RNGTT: variants seen among roughly 807,000 people sequenced by gnomAD.
RNGTT encodes mRNA-capping enzyme.
Under a neutral mutation model 79.3 loss-of-function variants are expected in RNGTT, and 33 were observed. The ratio of observed to expected loss-of-function variants is 0.42; its 90% confidence interval spans 0.32 to 0.56. RNGTT has a LOEUF of 0.56. Ranked by LOEUF, RNGTT falls within the 20% of genes least tolerant of loss-of-function variation. The probability of loss-of-function intolerance (pLI) is 0.17; values close to 1 mark genes in which losing one functional copy is unlikely to be tolerated. For synonymous variants in RNGTT, 222 were observed against 235.9 expected, an observed-to-expected ratio of 0.94 and a Z score of 0.54; for missense variants, 497 against 739.1, an observed-to-expected ratio of 0.67 and a Z score of 3.80.
At chr6:88,640,236 G>C (rs1461204798) in intron 14 of RNGTT, among the ~76,000 whole-genome samples, 1 of 152,052 alleles carries the variant, frequency 6.6e-6, no homozygotes, top group Admixed American at 6.6e-5. Flanking sequence ...CATGTGGTAG[G>C]TATTAATTAA....
chr6:88,823,596 A>G (rs1185161062), intron 11 of RNGTT, among the ~76,000 whole-genome samples: 1 of 152,190 alleles, frequency 6.6e-6, no homozygotes, highest in Non-Finnish European at 1.5e-5. Context: ...TAAAAAATAA[A>G]ACTGAAAATA....
At chr6:88,685,216 A>G (rs1014464225) in intron 13 of RNGTT, among the ~76,000 whole-genome samples, 17 of 152,288 alleles carry the variant, frequency 1.1e-4, no homozygotes, top group African/African-American at 4.1e-4. Flanking sequence ...AATGGTTGAT[A>G]TCATCTGTAC....
chr6:88,809,861 CA>C (rs142090200), intron 11 of RNGTT, among the ~76,000 whole-genome samples: 3,042 of 152,044 alleles, frequency 0.02, 94 homozygotes, highest in African/African-American at 0.069. Context: ...CCAGCCTGGG[CA>C]ACATAGTGAG....
chr6:88,694,785 G>T (rs1339584085), intron 13 of RNGTT, among the ~76,000 whole-genome samples: 1 of 152,042 alleles, frequency 6.6e-6, no homozygotes, highest in Non-Finnish European at 1.5e-5. Context: ...GCTCAGAAAT[G>T]AATCCACATA....
At chr6:88,822,245 A>G (rs1780518558) in intron 11 of RNGTT, among the ~76,000 whole-genome samples, 1 of 152,232 alleles carries the variant, frequency 6.6e-6, no homozygotes, top group Non-Finnish European at 1.5e-5. Context: ...AAGGGATTCA[A>G]ACATACACCT....
intron 13 of RNGTT, among the ~76,000 whole-genome samples, chr6:88,758,071 T>TG (rs1242014701): frequency 9.8e-5 from 15 of 152,352 alleles, no homozygotes; most frequent in Admixed American, 9.8e-4. Context: ...TCTTCTGTGC[T>TG]TCAAATTCAG....
chr6:88,761,317 C>T (rs536114915), intron 13 of RNGTT, among the ~76,000 whole-genome samples: 4 of 151,926 alleles, frequency 2.6e-5, no homozygotes, highest in African/African-American at 9.7e-5. Flanking sequence ...CTGTGAAACC[C>T]CACCCCTATT....
intron 2 of RNGTT, among the ~76,000 whole-genome samples, chr6:88,930,027 T>C (rs1183192423): frequency 6.7e-6 from 1 of 149,074 alleles, no homozygotes; most frequent in African/African-American, 2.4e-5. Context: ...TATACACATA[T>C]ATGCATATAT....
At chr6:88,719,574 G>A (rs9353594) in intron 13 of RNGTT, among the ~76,000 whole-genome samples, 18,038 of 152,042 alleles carry the variant, frequency 0.12, 1,191 homozygotes, top group Middle Eastern at 0.23. Context: ...ATTTATTATT[G>A]CAACTTCCAG....
chr6:88,814,335 C>T (rs1321400932), intron 11 of RNGTT, among the ~76,000 whole-genome samples: 1 of 152,178 alleles, frequency 6.6e-6, no homozygotes, highest in Non-Finnish European at 1.5e-5. Context: ...TTTCTACTCA[C>T]TATGCTACTC....
At chr6:88,912,483 AAAAC>A (rs1039273651) in intron 4 of RNGTT, among the ~76,000 whole-genome samples, 1 of 152,322 alleles carries the variant, frequency 6.6e-6, no homozygotes, top group Admixed American at 6.5e-5. Flanking sequence ...TAGAAAAACA[AAAAC>A]AAACAAATCC....
rs532324604 is a variant in RNGTT, at chr6:88,932,370, G to A, written c.175-3103C>T. Reference sequence around the variant, plus strand: ...GAACTTCCTTAGTAATTCTAGTTTCGCCCTGACCTTGTGATCTCACCCTGA... The same window carrying A: ...GAACTTCCTTAGTAATTCTAGTTTCACCCTGACCTTGTGATCTCACCCTGA... On this transcript the variant is annotated intron_variant, in intron 2 of 15. Coordinates refer to ENST00000369485, the MANE Select transcript of RNGTT (RefSeq NM_003800.5). Among the ~76,000 whole-genome samples the A allele has an allele frequency of 9.9e-5, 15 of 152,166 alleles. No homozygotes were observed. In the South Asian group the frequency reaches 1.0e-3, roughly 11 times the overall value.
intron 1 of RNGTT, among the ~76,000 whole-genome samples, chr6:88,962,225 A>G (rs1330208735): frequency 2.0e-5 from 3 of 152,210 alleles, no homozygotes; most frequent in Admixed American, 2.0e-4. Context: ...GTTTCCTAGG[A>G]AAGAGATATA....
At chr6:88,929,875 TAC>T (rs1270429516) in intron 2 of RNGTT, among the ~76,000 whole-genome samples, 1 of 143,006 alleles carries the variant, frequency 7.0e-6, no homozygotes, top group Non-Finnish European at 1.6e-5. Context: ...TATGCATATA[TAC>T]ATACACACAT....
At position 88,854,113 on chromosome 6, in the gene RNGTT, T is replaced by TC. The variant is rs1365965263; in HGVS notation, c.897-350_897-349insG. Among the ~76,000 whole-genome samples the TC allele has an allele frequency of 3.3e-5, 5 of 151,908 alleles. No individual in the cohort carries two copies. In the South Asian group the frequency reaches 8.4e-4, roughly 25 times the overall value. ...CTAATTTGTTTGTTTTTTCTTTCTT[T>TC]TTTTTAGTAGAGATGGGGTTTCACT... is the stretch of plus-strand genomic sequence containing the variant. On this transcript the variant is annotated intron_variant, in intron 8 of 15. Coordinates refer to ENST00000369485, the MANE Select transcript of RNGTT (RefSeq NM_003800.5).
intron 8 of RNGTT, among the ~76,000 whole-genome samples, chr6:88,870,371 T>A (rs555585072): frequency 6.6e-6 from 1 of 152,244 alleles, no homozygotes; most frequent in South Asian, 2.1e-4. Context: ...ATATAAAAAT[T>A]ACTGTTCCTC....
intron 14 of RNGTT, among the ~76,000 whole-genome samples, chr6:88,643,538 A>G (rs2127774100): frequency 6.6e-6 from 1 of 152,284 alleles, no homozygotes; most frequent in South Asian, 2.1e-4. Context: ...CCCCAAATCA[A>G]CAGAATATAC....
chr6:88,825,998 T>C (rs1340826683), intron 11 of RNGTT, among the ~76,000 whole-genome samples: 2 of 152,214 alleles, frequency 1.3e-5, no homozygotes, highest in African/African-American at 4.8e-5. Flanking sequence ...ACAATTAGCA[T>C]AGAAAATATA....
chr6:88,941,548 G>A (rs534529920), intron 1 of RNGTT, among the ~76,000 whole-genome samples: 6 of 152,016 alleles, frequency 3.9e-5, no homozygotes, highest in South Asian at 2.1e-4. Context: ...AATTACAGGC[G>A]TGAGCCACCG....
Sources: gnomAD v4.1 joint callset for allele counts (sites outside exome capture counted in the v4.1 genomes callset) on GRCh38, gnomAD v4.1.1 for gene constraint, MANE v1.5 for transcripts, NCBI Gene and HGNC (gene_info 2026-07-23, HGNC 2026-07-21) for gene names.